The following VPS53 variants were observed in gnomAD, a reference collection of about 807,000 sequenced individuals.
VPS53 encodes the protein vacuolar protein sorting-associated protein 53 homolog.
VPS53 carries 70 observed loss-of-function variants against 107.0 expected under a neutral mutation model. The observed-to-expected ratio is 0.65, with a 90% CI of 0.54 to 0.80. The LOEUF (loss-of-function observed/expected upper bound fraction) is 0.80. Among genes scored for constraint, VPS53 ranks in the 30% least tolerant of loss-of-function variants. The probability of loss-of-function intolerance (pLI) is 0.00; values close to 1 mark genes in which losing one functional copy is unlikely to be tolerated. For missense variants in VPS53, 917 were observed against 1,049.4 expected, an observed-to-expected ratio of 0.87 and a Z score of 1.74; for synonymous variants, 409 against 393.3, an observed-to-expected ratio of 1.04 and a Z score of -0.47.
At chr17:706,709 G>T (rs1336862118) in intron 2 of VPS53, among the ~76,000 whole-genome samples, 1 of 152,100 alleles carries the variant, frequency 6.6e-6, no homozygotes, top group African/African-American at 2.4e-5. Context: ...TAGAGTGGGT[G>T]TTTTTTTAAC....
intron 3 of VPS53, among the ~76,000 whole-genome samples, chr17:697,801 A>G (rs1353973225): frequency 6.6e-6 from 1 of 152,194 alleles, no homozygotes; most frequent in East Asian, 1.9e-4. Flanking sequence ...AAAGTTCCGG[A>G]GCCTTTACGT....
chr17:577,653 A>C (rs548239549), intron 13 of VPS53, among the ~76,000 whole-genome samples: 2 of 151,850 alleles, frequency 1.3e-5, no homozygotes, highest in African/African-American at 4.8e-5. Context: ...TCACAAAGTA[A>C]TGCATTTCGA....
At chr17:623,415 A>G in intron 11 of VPS53, 118 bp downstream of exon 11, 4 of 1,221,584 alleles carry the variant, frequency 3.3e-6, no homozygotes, top group Non-Finnish European at 4.5e-6. Context: ...CAGTGAAATC[A>G]CTGCAATGAG....
chr17:623,933 GTTTATTTA>G (rs139981445), intron 10 of VPS53, among the ~76,000 whole-genome samples: 2 of 148,442 alleles, frequency 1.3e-5, no homozygotes, highest in African/African-American at 5.2e-5. Context: ...TTATTTGTTT[GTTTATTTA>G]TTTATTTATT....
intron 11 of VPS53, among the ~76,000 whole-genome samples, chr17:610,245 G>C (rs16953931): frequency 6.6e-6 from 1 of 151,840 alleles, no homozygotes; most frequent in Admixed American, 6.6e-5. Context: ...AGGGTCCTAC[G>C]AGAAAAGAAT....
intron 13 of VPS53, among the ~76,000 whole-genome samples, chr17:569,607 G>A (rs1476466467): frequency 2.0e-5 from 3 of 152,170 alleles, no homozygotes; most frequent in East Asian, 1.9e-4. Context: ...AAACGCAGAA[G>A]AAATGATGTA....
chr17:612,846 A>AG (rs1286229515), intron 11 of VPS53, among the ~76,000 whole-genome samples: 1 of 151,206 alleles, frequency 6.6e-6, no homozygotes, highest in Non-Finnish European at 1.5e-5. Context: ...AGATACTCAC[A>AG]GCAGTATTCA....
chr17:678,298 T>C (rs1052063104), intron 4 of VPS53, among the ~76,000 whole-genome samples: 2 of 151,502 alleles, frequency 1.3e-5, no homozygotes, highest in Non-Finnish European at 2.9e-5. Flanking sequence ...GGCGGGCACC[T>C]GTAGTCCCAG....
At chr17:615,315 T>G (rs953667551) in intron 11 of VPS53, among the ~76,000 whole-genome samples, 1 of 152,186 alleles carries the variant, frequency 6.6e-6, no homozygotes, top group Admixed American at 6.5e-5. Context: ...AATGTTGAAG[T>G]CACAGCTCTT....
chr17:712,958 C>T (rs923664429), intron 1 of VPS53, among the ~76,000 whole-genome samples: 3 of 152,038 alleles, frequency 2.0e-5, no homozygotes, highest in African/African-American at 4.8e-5. Context: ...GCCGTGTGGC[C>T]GGAACACTAA....
chr17:689,007 T>C (rs1972687358), intron 4 of VPS53, among the ~76,000 whole-genome samples: 1 of 152,246 alleles, frequency 6.6e-6, no homozygotes, highest in South Asian at 2.1e-4. Flanking sequence ...TTCGAGGCCA[T>C]ACTCTAAAAG....
At chr17:576,218 C>G (rs953134645) in intron 13 of VPS53, among the ~76,000 whole-genome samples, 7 of 150,548 alleles carry the variant, frequency 4.6e-5, no homozygotes, top group Non-Finnish European at 3.0e-5. Flanking sequence ...TCCCAGAGAA[C>G]CTCTCTCAGA....
chr17:560,357 C>T (rs1597300534), intron 15 of VPS53, 69 bp downstream of exon 15: 3 of 1,534,930 alleles, frequency 2.0e-6, no homozygotes, highest in Non-Finnish European at 1.8e-6. Context: ...TATATTCTTA[C>T]TCGCCGAGCG....
At chr17:672,108 TGACACACA>T (rs1971973636) in intron 4 of VPS53, among the ~76,000 whole-genome samples, 2 of 30,302 alleles carry the variant, frequency 6.6e-5, no homozygotes, top group African/African-American at 1.6e-4. Flanking sequence ...ATGATGAGGG[TGACACACA>T]CACACACACA....
chr17:572,851 A>G lies in VPS53; in HGVS notation c.1314-10106T>C, dbSNP rs574521750. Among the ~76,000 whole-genome samples, 19 of 150,868 alleles carry G rather than the reference A, an allele frequency of 1.3e-4. No homozygotes were observed. The South Asian group carries it at 3.1e-3, about 25-fold the overall frequency. On this transcript the variant is annotated intron_variant, in intron 13 of 21. Transcript: ENST00000437048. ...GGCAGCATGCTCGTTAAGAGTCATC[A>G]CCACTCCCTAATCTCAAGTACCCAG... is the stretch of plus-strand genomic sequence containing the variant.
At chr17:662,051 C>T (rs1002721535) in intron 4 of VPS53, among the ~76,000 whole-genome samples, 156 bp from the exon 5 acceptor site, 2 of 152,176 alleles carry the variant, frequency 1.3e-5, no homozygotes, top group Non-Finnish European at 2.9e-5. Context: ...TAGTAGAGAC[C>T]TATAGAGTCC....
At chr17:549,861 G>A (rs773771265) in intron 17 of VPS53, among the ~76,000 whole-genome samples, 3 of 152,198 alleles carry the variant, frequency 2.0e-5, no homozygotes, top group Non-Finnish European at 4.4e-5. Flanking sequence ...GAAAAGATCA[G>A]CTTTTTGAAT....
At chr17:563,964 T>G (rs1913253684) in intron 13 of VPS53, among the ~76,000 whole-genome samples, 1 of 152,222 alleles carries the variant, frequency 6.6e-6, no homozygotes, top group Admixed American at 6.5e-5. Flanking sequence ...AAAGAGAGGG[T>G]ACGGGCAGAG....
At chr17:709,701 C>T (rs1256278219) in intron 2 of VPS53, among the ~76,000 whole-genome samples, 1 of 152,154 alleles carries the variant, frequency 6.6e-6, no homozygotes, top group African/African-American at 2.4e-5. Flanking sequence ...AAAATGGAAA[C>T]GAAGCGGGAC....
Sources: gnomAD v4.1 joint callset for allele counts (sites outside exome capture counted in the v4.1 genomes callset) on GRCh38, gnomAD v4.1.1 for gene constraint, MANE v1.5 for transcripts, NCBI Gene and HGNC (gene_info 2026-07-23, HGNC 2026-07-21) for gene names.